The following TRIB3 variants were observed in gnomAD, a reference collection of about 807,000 sequenced individuals.
The protein encoded by TRIB3 is tribbles pseudokinase 3, also known as tribbles homolog 3.
TRIB3 carries 20 observed loss-of-function variants against 16.6 expected under a neutral mutation model. The observed-to-expected ratio is 1.20, with a 90% CI of 0.85 to 1.75. The LOEUF is 1.75. Among genes scored for constraint, TRIB3 ranks in the 40% most tolerant of loss-of-function variants. TRIB3 has a pLI of 0.00. For missense variants in TRIB3, 484 were observed against 488.9 expected, an observed-to-expected ratio of 0.99 and a Z score of 0.10; for synonymous variants, 208 against 217.0, an observed-to-expected ratio of 0.96 and a Z score of 0.36.
At chr20:383,609 A>C (rs1051742183) in intron 1 of TRIB3, among the ~76,000 whole-genome samples, 1 of 149,856 alleles carries the variant, frequency 6.7e-6, no homozygotes, top group Non-Finnish European at 1.5e-5. Context: ...TGACCAGATA[A>C]TTTTTTTTTT....
intron 1 of TRIB3, among the ~76,000 whole-genome samples, chr20:387,534 C>T (rs371497812): frequency 6.7e-6 from 1 of 148,852 alleles, no homozygotes; most frequent in African/African-American, 2.5e-5. Context: ...TTGAGACCAG[C>T]GTGGGCAACA....
chr20:387,618 T>G (rs930318917), intron 1 of TRIB3, among the ~76,000 whole-genome samples: 6 of 151,932 alleles, frequency 3.9e-5, no homozygotes, highest in Non-Finnish European at 5.9e-5. Context: ...TTGTCTTTCT[T>G]CTCTTAATAC....
At chr20:381,832 C>T (rs1297884937) in intron 1 of TRIB3, among the ~76,000 whole-genome samples, 2 of 152,118 alleles carry the variant, frequency 1.3e-5, no homozygotes, top group Non-Finnish European at 2.9e-5. Flanking sequence ...TGCGCGGCTC[C>T]GGGTTTGCAG....
intron 1 of TRIB3, chr20:382,761 A>G (rs1205993503): frequency 3.0e-6 from 2 of 669,246 alleles, no homozygotes; most frequent in Non-Finnish European, 5.3e-6. Flanking sequence ...GGTACCCCCC[A>G]GCTAGAAAGG....
chr20:387,874 A>AT, intron 1 of TRIB3, 137 bp from the exon 2 acceptor site: 2 of 1,021,586 alleles, frequency 2.0e-6, no homozygotes, highest in South Asian at 3.3e-5. Context: ...CCAGTTAAGG[A>AT]TATGTGACTT....
At chr20:392,490 CT>C (rs1440949059) in intron 3 of TRIB3, among the ~76,000 whole-genome samples, 1 of 152,098 alleles carries the variant, frequency 6.6e-6, no homozygotes, top group Admixed American at 6.6e-5. Flanking sequence ...GGAACGTTTT[CT>C]GTGAAACTGA....
chr20:394,106 C>T lies in TRIB3; in HGVS notation c.585-2092C>T, dbSNP rs138873773. Among the ~76,000 whole-genome samples the T allele has an allele frequency of 8.5e-3, 1,281 of 150,686 alleles. 23 individuals are homozygous for T. The highest frequency in any genetic ancestry group is 0.03 in the African/African-American group (1,218 of 40,944). ...AGTGCAGTGGCACGATCTCGGCTCA[C>T]TGCAACCTCCACCTCCCGGGTTCAA... On this transcript the variant is annotated intron_variant, in intron 3 of 3. Transcript: ENST00000217233.
At chr20:382,099 C>CTGTGTGTGTGTGTGTGTGTG (rs5839857) in intron 1 of TRIB3, among the ~76,000 whole-genome samples, 1 of 142,258 alleles carries the variant, frequency 7.0e-6, no homozygotes, top group Non-Finnish European at 1.6e-5. Context: ...GCTGGGAGGG[C>CTGTGTGTGTGTGTGTGTGTG]TGTGTGTGTG....
intron 3 of TRIB3, 45 bp downstream of exon 3, chr20:391,624 G>T (rs999232939): frequency 4.4e-6 from 7 of 1,577,344 alleles, no homozygotes; most frequent in Non-Finnish European, 6.0e-6. Flanking sequence ...CACCCAGGGG[G>T]TGGGCCATGA....
In TRIB3 at chr20:396,491, G is replaced by T. The variant is rs541757425; in HGVS notation, c.878G>T (p.Arg293Leu). 64 of 1,612,776 alleles carry T rather than the reference G, an allele frequency of 4.0e-5. No homozygotes were observed. The South Asian group carries it at 6.0e-4, about 15-fold the overall frequency. ...GLSAPARCLV[R>L]CLLRREPAER... ...TCGGCCCCTGCCCGCTGTCTGGTTC[G>T]CTGCCTCCTTCGTCGGGAGCCAGCT... Residue 293 changes from arginine (R) to leucine (L), a missense_variant, in exon 4 of 4, where the codon CGC (arginine) becomes CTC (leucine). By Grantham distance (102) the Arg-to-Leu change is moderately radical (BLOSUM62 -2). Transcript: ENST00000217233.
At chr20:394,070 G>C (rs1211966958) in intron 3 of TRIB3, among the ~76,000 whole-genome samples, 1 of 127,080 alleles carries the variant, frequency 7.9e-6, no homozygotes. Context: ...TCGCTCTGTT[G>C]CCCAGGTTGG....
chr20:388,494 G>A (rs1268868699), intron 2 of TRIB3, among the ~76,000 whole-genome samples, 193 bp downstream of exon 2: 1 of 152,212 alleles, frequency 6.6e-6, no homozygotes, highest in Non-Finnish European at 1.5e-5. Context: ...TCCTGGGGGA[G>A]TTCACAGCTT....
At chr20:394,689 G>A (rs1361860656) in intron 3 of TRIB3, among the ~76,000 whole-genome samples, 1 of 151,990 alleles carries the variant, frequency 6.6e-6, no homozygotes, top group Non-Finnish European at 1.5e-5. Flanking sequence ...GGGAGGCTGA[G>A]GCAGGAGGAT....
chr20:385,014 G>A (rs971286301), intron 1 of TRIB3, among the ~76,000 whole-genome samples: 1 of 152,208 alleles, frequency 6.6e-6, no homozygotes, highest in Non-Finnish European at 1.5e-5. Context: ...CCTATGTAAG[G>A]AGGGGAGACC....
chr20:395,915 CCT>C lies in TRIB3; in HGVS notation c.585-279_585-278del, dbSNP rs756667976. On this transcript the variant is annotated intron_variant, in intron 3 of 3. Coordinates refer to ENST00000217233, the MANE Select transcript of TRIB3 (RefSeq NM_021158.5). ...GTAGCTGGTTTAAGAGAGGCTTAAC[CCT>C]CTCAGCCCCATCAGCCCCCTCCCCA... Among the ~76,000 whole-genome samples, 3 of 152,154 alleles carry C rather than the reference CCT, an allele frequency of 2.0e-5. No homozygotes were observed. The South Asian group carries it at 6.2e-4, about 32-fold the overall frequency.
At chr20:382,615 A>G (rs1203507936) in intron 1 of TRIB3, 4 of 1,509,000 alleles carry the variant, frequency 2.7e-6, no homozygotes, top group African/African-American at 1.4e-5. Context: ...CCTGACACCT[A>G]CCTGGCAACA....
intron 1 of TRIB3, 98 bp from the exon 2 acceptor site, chr20:387,913 C>A: frequency 7.2e-7 from 1 of 1,385,936 alleles, no homozygotes; most frequent in Non-Finnish European, 9.9e-7. Flanking sequence ...TGCCAGATCA[C>A]CCCCTATAAA....
Position 384,677 on chromosome 20 carries a change from T to C in TRIB3, c.1-3334T>C, listed in dbSNP as rs1021914648. 2.0e-5 allele frequency among the ~76,000 whole-genome samples: 3 copies of C among 152,206 alleles called. No individual in the cohort carries two copies. The East Asian group carries it at 5.8e-4, about 29-fold the overall frequency. ...GCGCCCAGCCTTCAATAGATGTTTA[T>C]TTCTCTCCTGTGTAAAAAACCTGGA... On this transcript the variant is annotated intron_variant, in intron 1 of 3. Coordinates refer to ENST00000217233, the MANE Select transcript of TRIB3 (RefSeq NM_021158.5).
chr20:382,586 G>A (rs2014692183), intron 1 of TRIB3: 1 of 1,535,480 alleles, frequency 6.5e-7, no homozygotes, highest in African/African-American at 1.4e-5. Flanking sequence ...AACAGGATGA[G>A]TGCTAATAAT....
Sources: gnomAD v4.1 joint callset for allele counts (sites outside exome capture counted in the v4.1 genomes callset) on GRCh38, gnomAD v4.1.1 for gene constraint, MANE v1.5 for transcripts, NCBI Gene and HGNC (gene_info 2026-07-23, HGNC 2026-07-21) for gene names.